FBXL20: variants seen among roughly 807,000 people sequenced by gnomAD.
The protein encoded by FBXL20 is F-box/LRR-repeat protein 20.
Under a neutral mutation model 64.0 loss-of-function variants are expected in FBXL20, and 11 were observed. The observed-to-expected ratio is 0.17, with a 90% CI of 0.11 to 0.28. The LOEUF is 0.28. Ranked by LOEUF, FBXL20 falls within the 10% of genes least tolerant of loss-of-function variation. FBXL20 has a pLI of 1.00. For synonymous variants in FBXL20, 184 were observed against 189.0 expected (o/e 0.97, Z 0.22); for missense variants, 303 against 526.2 (o/e 0.58, Z 4.15).
At chr17:39,390,142 T>TA (rs1257836023) in intron 1 of FBXL20, among the ~76,000 whole-genome samples, 10 of 151,952 alleles carry the variant, frequency 6.6e-5, no homozygotes, top group African/African-American at 2.4e-4. Flanking sequence ...AAACCCAATA[T>TA]AAAAAACTGA....
At chr17:39,358,004 T>C (rs1189643985) in intron 1 of FBXL20, among the ~76,000 whole-genome samples, 1 of 152,202 alleles carries the variant, frequency 6.6e-6, no homozygotes, top group African/African-American at 2.4e-5. Context: ...CTCATACATA[T>C]GCATATGAAG....
intron 2 of FBXL20, among the ~76,000 whole-genome samples, chr17:39,309,824 AAG>A (rs953561922): frequency 6.6e-6 from 1 of 151,458 alleles, no homozygotes; most frequent in Non-Finnish European, 1.5e-5. Flanking sequence ...AAATAAAGAA[AAG>A]AGAAAGAAAA....
At chr17:39,299,816 G>A (rs2047118936) in intron 4 of FBXL20, among the ~76,000 whole-genome samples, 1 of 150,648 alleles carries the variant, frequency 6.6e-6, no homozygotes, top group Admixed American at 6.6e-5. Flanking sequence ...AACAAAAGCT[G>A]GCCAGGTGCA....
intron 3 of FBXL20, 38 bp downstream of exon 3, chr17:39,303,547 A>T (rs1295132614): frequency 2.5e-6 from 4 of 1,573,352 alleles, no homozygotes; most frequent in Non-Finnish European, 3.5e-6. Flanking sequence ...ATCAGTATGA[A>T]GAAGGGGTCC....
chr17:39,351,609 A>G (rs781340938), intron 1 of FBXL20, among the ~76,000 whole-genome samples: 19 of 152,224 alleles, frequency 1.2e-4, no homozygotes, highest in Non-Finnish European at 1.8e-4. Context: ...GATTTTCAAT[A>G]TAACAGTTGT....
chr17:39,345,034 A>G (rs1203248102), intron 1 of FBXL20, among the ~76,000 whole-genome samples: 1 of 152,122 alleles, frequency 6.6e-6, no homozygotes, highest in African/African-American at 2.4e-5. Flanking sequence ...AAAACCAAAT[A>G]CCATACACAA....
At chr17:39,290,159 T>C (rs1178390311) in intron 6 of FBXL20, among the ~76,000 whole-genome samples, 1 of 152,138 alleles carries the variant, frequency 6.6e-6, no homozygotes, top group Non-Finnish European at 1.5e-5. Context: ...TTTATCCTTA[T>C]ATTTTTTATA....
At chr17:39,363,250 G>A (rs1227925496) in intron 1 of FBXL20, among the ~76,000 whole-genome samples, 2 of 151,844 alleles carry the variant, frequency 1.3e-5, no homozygotes, top group African/African-American at 4.8e-5. Context: ...CCAACCTCAG[G>A]TGATCCACCA....
intron 1 of FBXL20, among the ~76,000 whole-genome samples, chr17:39,388,534 A>G (rs973174844): frequency 1.4e-5 from 2 of 145,784 alleles, no homozygotes; most frequent in African/African-American, 5.1e-5. Context: ...CCCAGGCTGG[A>G]GTGCAATGGC....
At chr17:39,313,819 G>C (rs1451042379) in intron 2 of FBXL20, among the ~76,000 whole-genome samples, 1 of 152,042 alleles carries the variant, frequency 6.6e-6, no homozygotes, top group East Asian at 1.9e-4. Flanking sequence ...ATTTTAAGTA[G>C]AGATGCGGTT....
chr17:39,276,775 C>T (rs1205635764), intron 9 of FBXL20, among the ~76,000 whole-genome samples: 2 of 152,094 alleles, frequency 1.3e-5, no homozygotes, highest in East Asian at 3.9e-4. Context: ...GCACAATAAG[C>T]CACCTCACAT....
chr17:39,336,228 T>C (rs1487063650), intron 2 of FBXL20, among the ~76,000 whole-genome samples: 3 of 152,204 alleles, frequency 2.0e-5, no homozygotes, highest in Non-Finnish European at 1.5e-5. Context: ...GGAAATAATA[T>C]GGTCCTAACA....
intron 10 of FBXL20, among the ~76,000 whole-genome samples, chr17:39,273,082 C>G (rs1309109300): frequency 6.6e-6 from 1 of 152,010 alleles, no homozygotes; most frequent in Admixed American, 6.6e-5. Flanking sequence ...ACTCTGCCAC[C>G]CAGGCTGGGA....
chr17:39,352,424 T>C (rs1485473253), intron 1 of FBXL20, among the ~76,000 whole-genome samples: 1 of 151,848 alleles, frequency 6.6e-6, no homozygotes, highest in East Asian at 1.9e-4. Flanking sequence ...GGCTCACAAC[T>C]GTAATCCCAG....
chr17:39,340,700 T>TAA (rs985016285), intron 2 of FBXL20, among the ~76,000 whole-genome samples: 17 of 148,014 alleles, frequency 1.1e-4, no homozygotes, highest in Admixed American at 2.7e-4. Context: ...TAAGAACATC[T>TAA]AAAAAAAAAA....
Position 39,261,170 on chromosome 17 carries a change from T to A in FBXL20, c.*290A>T, listed in dbSNP as rs1408393060. ...GGGTTTGCTGGAATGCCCCTCCCTA[T>A]CTTGGCCTATGATTTTCTTATGGGC... On this transcript the variant is annotated 3_prime_UTR_variant, in exon 15 of 15. Transcript: ENST00000264658. 2 of 323,556 alleles carry A rather than the reference T, an allele frequency of 6.2e-6. No individual in the cohort carries two copies. The highest frequency in any genetic ancestry group is 1.2e-5 in the Non-Finnish European group (2 of 170,684). The allele number at this position is 323,556 out of a possible 1,614,324, so 20.0% of individuals were successfully genotyped here. A position where few individuals can be genotyped will look rare whatever the true frequency, so the allele number is the denominator to read the frequency against.
chr17:39,268,764 G>T, intron 12 of FBXL20, 63 bp downstream of exon 12: 2 of 1,395,060 alleles, frequency 1.4e-6, no homozygotes, highest in South Asian at 2.4e-5. Flanking sequence ...TGCACATTCT[G>T]ATGTTGTGTA....
chr17:39,388,311 T>C (rs1195304880), intron 1 of FBXL20, among the ~76,000 whole-genome samples: 1 of 151,466 alleles, frequency 6.6e-6, no homozygotes, highest in Non-Finnish European at 1.5e-5. Flanking sequence ...GCAAAAAAAA[T>C]AGCTGGGCAT....
intron 11 of FBXL20, among the ~76,000 whole-genome samples, chr17:39,270,008 T>C (rs938087516): frequency 2.6e-5 from 4 of 152,192 alleles, no homozygotes; most frequent in Non-Finnish European, 5.9e-5. Flanking sequence ...CCTTGTACCA[T>C]AACACTGGTC....
Sources: allele counts gnomAD v4.1 joint callset (sites outside exome capture counted in the v4.1 genomes callset), GRCh38; gene constraint gnomAD v4.1.1; transcripts MANE v1.5; gene names NCBI Gene and HGNC (gene_info 2026-07-23, HGNC 2026-07-21).